GFRA1: variants seen among roughly 807,000 people sequenced by gnomAD.
GFRA1 encodes GDNF family receptor alpha-1.
A neutral mutation model predicts 51.6 loss-of-function variants in GFRA1; 16 were observed. That is an observed-to-expected ratio of 0.31 (90% CI 0.21 to 0.47). The LOEUF (loss-of-function observed/expected upper bound fraction) is 0.47, where lower values mean the gene tolerates loss of function less well. Ranked by LOEUF, GFRA1 falls within the 20% of genes least tolerant of loss-of-function variation. The pLI, the probability that GFRA1 is intolerant of heterozygous loss-of-function variation, is 1.00. For synonymous variants in GFRA1, 270 were observed against 241.3 expected (o/e 1.12, Z -1.10); for missense variants, 530 against 594.3 (o/e 0.89, Z 1.13).
chr10:116,073,306 T>A (rs985122147), intron 9 of GFRA1, among the ~76,000 whole-genome samples: 1 of 152,194 alleles, frequency 6.6e-6, no homozygotes, highest in African/African-American at 2.4e-5. Flanking sequence ...TGGGCTTACT[T>A]CTTCTTTTCA....
At chr10:116,184,646 G>T (rs567981669) in intron 5 of GFRA1, among the ~76,000 whole-genome samples, 1 of 152,352 alleles carries the variant, frequency 6.6e-6, no homozygotes, top group African/African-American at 2.4e-5. Context: ...CCGGCCAGCT[G>T]CTCAGGCTCT....
At chr10:116,273,448 C>T (rs1050450901), upstream of GFRA1, 5 of 152,140 alleles carry the variant, frequency 3.3e-5, no homozygotes, top group Non-Finnish European at 4.4e-5. Flanking sequence ...TGTTCCGAGG[C>T]CAGATTTCTT....
intron 5 of GFRA1, among the ~76,000 whole-genome samples, chr10:116,185,143 C>T (rs909986012): frequency 4.6e-5 from 7 of 151,914 alleles, no homozygotes; most frequent in African/African-American, 9.7e-5. Flanking sequence ...GAGAATGCGT[C>T]GGCAAGGGAG....
At chr10:116,269,641 G>GT in intron 3 of GFRA1, 55 bp from the exon 4 acceptor site, 1 of 1,041,482 alleles carries the variant, frequency 9.6e-7, no homozygotes, top group Non-Finnish European at 1.5e-6. Context: ...TTTCAAGCAG[G>GT]TTTTTGCTGC....
intron 5 of GFRA1, among the ~76,000 whole-genome samples, chr10:116,170,959 A>G (rs1457352912): frequency 6.6e-6 from 1 of 152,230 alleles, no homozygotes; most frequent in African/African-American, 2.4e-5. Flanking sequence ...AACACATCCC[A>G]GCCAGGTCTC....
At chr10:116,182,118 A>C (rs1342086493) in intron 5 of GFRA1, among the ~76,000 whole-genome samples, 1 of 143,058 alleles carries the variant, frequency 7.0e-6, no homozygotes, top group Admixed American at 6.9e-5. Flanking sequence ...TGGGGAGGGC[A>C]GAGATGGGGA....
At chr10:116,131,546 CCA>C (rs774445457) in intron 5 of GFRA1, among the ~76,000 whole-genome samples, 3 of 152,052 alleles carry the variant, frequency 2.0e-5, no homozygotes, top group Non-Finnish European at 2.9e-5. Flanking sequence ...TGTGATCTAT[CCA>C]CAGTTATCCA....
intron 4 of GFRA1, among the ~76,000 whole-genome samples, chr10:116,254,405 C>T (rs1334368357): frequency 1.3e-5 from 2 of 150,936 alleles, no homozygotes; most frequent in Non-Finnish European, 2.9e-5. Flanking sequence ...GACATGGTGG[C>T]TTATGCCTAT....
At chr10:116,139,041 G>C (rs1037101269) in intron 5 of GFRA1, among the ~76,000 whole-genome samples, 1 of 152,156 alleles carries the variant, frequency 6.6e-6, no homozygotes, top group Non-Finnish European at 1.5e-5. Flanking sequence ...CAGTATTCTC[G>C]TGGTGTTGGG....
chr10:116,232,859 G>A (rs1005431248), intron 4 of GFRA1, among the ~76,000 whole-genome samples: 4 of 152,172 alleles, frequency 2.6e-5, no homozygotes, highest in Non-Finnish European at 5.9e-5. Flanking sequence ...TAACTGCAGG[G>A]AAGCCCACTT....
At chr10:116,131,028 A>G (rs944885999) in intron 5 of GFRA1, among the ~76,000 whole-genome samples, 1 of 152,204 alleles carries the variant, frequency 6.6e-6, no homozygotes, top group Non-Finnish European at 1.5e-5. Flanking sequence ...TACGTCTGAC[A>G]AAGGACTGGT....
rs535414074 is a variant in GFRA1 at position 116,058,106 on chromosome 10, A to T, written c.*6292T>A. The T allele has an allele frequency of 6.6e-6, 1 of 151,340 alleles. No homozygotes were observed. The highest frequency in any genetic ancestry group is 2.1e-4 in the South Asian group (1 of 4,780). The allele number at this position is 151,340 out of a possible 1,614,324, so 9.4% of individuals were successfully genotyped here. On this transcript the variant is annotated 3_prime_UTR_variant, in exon 11 of 11. Transcript: ENST00000355422. ...CCAGCGAACTGAGAAGGTCCAGGGT[A>T]CCTTCACCTGCACTGCCACAGTCAC...
chr10:116,208,566 C>T (rs542837847), intron 5 of GFRA1, among the ~76,000 whole-genome samples: 4 of 152,298 alleles, frequency 2.6e-5, no homozygotes, highest in African/African-American at 7.2e-5. Flanking sequence ...AAGGCTATAC[C>T]TCTCTGGGCT....
chr10:116,113,332 C>T (rs1466676133), intron 6 of GFRA1, among the ~76,000 whole-genome samples: 4 of 151,980 alleles, frequency 2.6e-5, no homozygotes, highest in South Asian at 2.1e-4. Flanking sequence ...GTGGTAAGTA[C>T]CTATAGATTT....
chr10:116,064,064 C>CATCATGATCATGATG lies in GFRA1; in HGVS notation c.*319_*333dup, dbSNP rs1255030527. The CATCATGATCATGATG allele has an allele frequency of 3.0e-5, 4 of 135,582 alleles. No homozygotes were observed. The highest frequency in any genetic ancestry group is 7.9e-5 in the African/African-American group (1 of 12,686). The allele number at this position is 135,582 out of a possible 1,614,324, so 8.4% of individuals were successfully genotyped here. Reference sequence around the variant, plus strand: ...TCATCATCATGATCATGATGATCATCATCATGATCATGATGATCATCATCA... The same window carrying CATCATGATCATGATG: ...TCATCATCATGATCATGATGATCATCATCATGATCATGATGATCATGATCATGATGATCATCATCA... On this transcript the variant is annotated 3_prime_UTR_variant, in exon 11 of 11. Transcript: ENST00000355422.
At chr10:116,244,647 C>T (rs529826191) in intron 4 of GFRA1, among the ~76,000 whole-genome samples, 1 of 151,654 alleles carries the variant, frequency 6.6e-6, no homozygotes. Context: ...GGAGGACAGA[C>T]CTGAACACCT....
chr10:116,173,491 T>C (rs568366603), intron 5 of GFRA1, among the ~76,000 whole-genome samples: 1 of 152,200 alleles, frequency 6.6e-6, no homozygotes, highest in South Asian at 2.1e-4. Flanking sequence ...CTACACAACA[T>C]TGCCTCTGGC....
At position 116,272,705 on chromosome 10, in the gene GFRA1, G is replaced by C. The variant is rs1227001665; in HGVS notation, c.-246-430C>G. The stretch of plus-strand genomic sequence containing the variant: ...TCCCCCTCCTCGCGTCAGCCAGCGA[G>C]CTCGCTCAGCCGCCGGCCCTCCCCA... On this transcript the variant is annotated intron_variant, in intron 1 of 10. Coordinates refer to ENST00000355422, the MANE Select transcript of GFRA1 (RefSeq NM_005264.8). The surrounding 1 kb of genome is among the most constrained non-coding windows in gnomAD (Gnocchi z 4.4). 6.6e-6 allele frequency: 1 copy of C among 152,614 alleles called. No homozygotes were observed. The highest frequency in any genetic ancestry group is 1.5e-5 in the Non-Finnish European group (1 of 68,490). 9.5% of individuals were successfully genotyped at this position (152,614 alleles called of 1,614,324 possible). A position where few individuals can be genotyped will look rare whatever the true frequency, so the allele number is the denominator to read the frequency against.
At chr10:116,158,339 T>G (rs926413717) in intron 5 of GFRA1, among the ~76,000 whole-genome samples, 2 of 152,146 alleles carry the variant, frequency 1.3e-5, no homozygotes, top group African/African-American at 2.4e-5. Context: ...GTAAACTCCA[T>G]GAGGGCTGGC....
Sources: gnomAD v4.1 joint callset for allele counts (sites outside exome capture counted in the v4.1 genomes callset) on GRCh38, gnomAD v4.1.1 for gene constraint, Gnocchi (gnomAD v3.1) non-coding constraint, MANE v1.5 for transcripts, NCBI Gene and HGNC (gene_info 2026-07-23, HGNC 2026-07-21) for gene names.